SEMA3B: variants seen among roughly 807,000 people sequenced by gnomAD.
The protein encoded by SEMA3B is semaphorin 3B.
A neutral mutation model predicts 77.8 loss-of-function variants in SEMA3B; 71 were observed. The ratio of observed to expected loss-of-function variants is 0.91; its 90% CI spans 0.75 to 1.11. SEMA3B has a LOEUF of 1.11. SEMA3B is among the 50% of genes most tolerant of loss of function. SEMA3B has a pLI of 0.00. For missense variants in SEMA3B, 968 were observed against 1,056.8 expected, an observed-to-expected ratio of 0.92 and a Z score of 1.17; for synonymous variants, 470 against 452.9, an observed-to-expected ratio of 1.04 and a Z score of -0.48.
Position 50,276,498 on chromosome 3 carries a change from CGCCGCCGG to C in SEMA3B, c.2046_2053del (p.Pro683GlnfsTer44). 1 of 1,531,810 alleles carries C rather than the reference CGCCGCCGG, an allele frequency of 6.5e-7. No individual in the cohort carries two copies. Among genetic ancestry groups the C allele is most frequent in the Non-Finnish European group, 8.7e-7 (1 of 1,143,956 alleles). 94.9% of individuals were successfully genotyped at this position (1,531,810 alleles called of 1,614,324 possible). A position where few individuals can be genotyped will look rare whatever the true frequency, so the allele number is the denominator to read the frequency against. ...CGGGCCGAGGAGGCTGCGCCCGCCG[CGCCGCCGG>C]GCCCCAAACTCTGGTACCGGGACTT... On this transcript the variant is annotated frameshift_variant, in exon 17 of 17. Transcript: ENST00000616701. LOFTEE classifies it low-confidence loss of function (END_TRUNC). The surrounding 1 kb of genome is among the most constrained non-coding windows in gnomAD (Gnocchi z 5.8).
chr3:50,273,852 G>T lies in SEMA3B; in HGVS notation c.992+24G>T. ...AGGTGAGGGGCAGGAGGTAGGGAGC[G>T]CCCGGGGCGGGCCGCTGGGCTCCAC... On this transcript the variant is annotated intron_variant, in intron 9 of 16. Coordinates refer to ENST00000616701, the MANE Select transcript of SEMA3B (RefSeq NM_001290060.2). The surrounding 1 kb of genome is among the most constrained non-coding windows in gnomAD (Gnocchi z 6.5). 6.4e-7 allele frequency: 1 copy of T among 1,565,100 alleles called. No homozygotes were observed. Among genetic ancestry groups the T allele is most frequent in the Non-Finnish European group, 8.7e-7 (1 of 1,153,714 alleles).
intron 6 of SEMA3B, 134 bp downstream of exon 6, chr3:50,271,614 C>T (rs943656425): frequency 9.3e-6 from 12 of 1,290,538 alleles, no homozygotes; most frequent in East Asian, 2.6e-5. Context: ...CAGGCACTGG[C>T]GTCACAGAGA....
Position 50,273,658 on chromosome 3 carries a change from A to C in SEMA3B, c.922+12A>C. ...CTTCGATCAGCTCCGTGAGTGCGGG[A>C]GTGGGTATGGGGTTGGGGAGGGGGG... On this transcript the variant is annotated intron_variant, in intron 8 of 16. Transcript: ENST00000616701. This position sits in a 1 kb window ranked among gnomAD's most constrained non-coding sequence, Gnocchi z 6.5. 6.2e-7 allele frequency: 1 copy of C among 1,606,950 alleles called. No homozygotes were observed. Among genetic ancestry groups the C allele is most frequent in the South Asian group, 1.1e-5 (1 of 90,988 alleles).
intron 6 of SEMA3B, among the ~76,000 whole-genome samples, chr3:50,272,234 T>C (rs1186123234): frequency 6.6e-6 from 1 of 152,122 alleles, no homozygotes. Context: ...ATGCTGCCAC[T>C]GCAGGACAGA....
rs782054764 is a variant in SEMA3B, at chr3:50,270,520, G to C, written c.330+25G>C. 1 of 1,613,238 alleles carries C rather than the reference G, an allele frequency of 6.2e-7. No homozygotes were observed. The highest frequency in any genetic ancestry group is 8.5e-7 in the Non-Finnish European group (1 of 1,179,850). ...TGTGAGTGCCAGCTGCCCGGGCCGG[G>C]AGTGGGGAGGGTCAGCCCCTCACCC... On this transcript the variant is annotated intron_variant, in intron 3 of 16. Coordinates refer to ENST00000616701, the MANE Select transcript of SEMA3B (RefSeq NM_001290060.2). The surrounding 1 kb of genome is among the most constrained non-coding windows in gnomAD (Gnocchi z 4.7).
upstream of SEMA3B, among the ~76,000 whole-genome samples, chr3:50,268,210 C>A (rs1405925039): frequency 2.6e-5 from 4 of 152,156 alleles, no homozygotes; most frequent in Admixed American, 2.6e-4. Flanking sequence ...GAGAGAGAGC[C>A]CTCAAGCTCA....
At position 50,276,551 on chromosome 3, in the gene SEMA3B, GGCGGAGGTGGCA is replaced by G; in HGVS notation, c.2099_2110del (p.Gly700_Ser703del). 6.5e-7 allele frequency: 1 copy of G among 1,538,080 alleles called. No homozygotes were observed. Among genetic ancestry groups the G allele is most frequent in the Admixed American group, 2.0e-5 (1 of 50,956 alleles). On this transcript the variant is annotated inframe_deletion, in exon 17 of 17. Coordinates refer to ENST00000616701, the MANE Select transcript of SEMA3B (RefSeq NM_001290060.2). This position sits in a 1 kb window ranked among gnomAD's most constrained non-coding sequence, Gnocchi z 5.8. ...GGACTTTCTGCAGCTGGTGGAGCCG[GGCGGAGGTGGCA>G]GCGCGAACTCCCTGCGCATGTGCCG...
At position 50,275,044 on chromosome 3, in the gene SEMA3B, T is replaced by C; in HGVS notation, c.1482T>C (p.Ser494=). ...CCGCTGTCACCAGCATGCAAATTTC[T>C]TCCAAGAGGGTGAGTGACCAGGATG... is the stretch of plus-strand genomic sequence containing the variant. The part of the protein sequence containing the change: ...DSAAVTSMQI[S]SKRHQLYVAS... Residue 494 remains serine (S), a synonymous_variant, in exon 13 of 17, where the codon TCT becomes TCC. Coordinates refer to ENST00000616701, the MANE Select transcript of SEMA3B (RefSeq NM_001290060.2). This position sits in a 1 kb window ranked among gnomAD's most constrained non-coding sequence, Gnocchi z 7.5. The C allele has an allele frequency of 1.3e-5, 21 of 1,587,546 alleles. No individual in the cohort carries two copies. The highest frequency in any genetic ancestry group is 1.8e-5 in the Non-Finnish European group (21 of 1,163,276).
In SEMA3B at chr3:50,270,630, G is replaced by A. The variant is rs1701022725; in HGVS notation, c.330+135G>A. ...AGGTCGAGGTGGCTGAGGTCTGGGG[G>A]TGGTGAGTCAGGGTGGGGGCTCGTG... On this transcript the variant is annotated intron_variant, in intron 3 of 16. Transcript: ENST00000616701. The surrounding 1 kb of genome is among the most constrained non-coding windows in gnomAD (Gnocchi z 4.7). The A allele has an allele frequency of 6.2e-6, 8 of 1,299,298 alleles. No homozygotes were observed. The highest frequency in any genetic ancestry group is 1.3e-5 in the South Asian group (1 of 75,536). 80.5% of individuals were successfully genotyped at this position (1,299,298 alleles called of 1,614,324 possible).
At chr3:50,263,810 GGGGAGGGA>G (rs1700861182), upstream of SEMA3B, among the ~76,000 whole-genome samples, 1 of 152,094 alleles carries the variant, frequency 6.6e-6, no homozygotes, top group Admixed American at 6.5e-5. Flanking sequence ...TCCCCACCCA[GGGGAGGGA>G]GGGAGGTTAA....
upstream of SEMA3B, among the ~76,000 whole-genome samples, chr3:50,263,724 G>A (rs1553704191): frequency 6.6e-6 from 1 of 151,880 alleles, no homozygotes; most frequent in Non-Finnish European, 1.5e-5. Flanking sequence ...AAGACAAAAG[G>A]TAGGGGCTCT....
the SEMA3B span, chr3:50,262,527 T>C: frequency 6.6e-6 from 1 of 152,356 alleles, no homozygotes; most frequent in Non-Finnish European, 1.5e-5. Context: ...TGGCCTCCAG[T>C]CAGCTGGGGT....
upstream of SEMA3B, among the ~76,000 whole-genome samples, chr3:50,265,943 A>G (rs1553704400): frequency 1.3e-5 from 2 of 152,210 alleles, no homozygotes; most frequent in Non-Finnish European, 2.9e-5. Flanking sequence ...AGGACAGGGC[A>G]CAGCACTCAA....
Position 50,276,065 on chromosome 3 carries a change from T to G in SEMA3B, c.1845+221T>G. The G allele has an allele frequency of 1.5e-6, 1 of 687,176 alleles. No homozygotes were observed. 42.6% of individuals were successfully genotyped at this position (687,176 alleles called of 1,614,324 possible). ...CAAGGAGAAGACCCGCCCTCGACCC[T>G]CCCATTAAGGTCCCTGACCACCCCC... On this transcript the variant is annotated intron_variant, in intron 16 of 16. Transcript: ENST00000616701. This position sits in a 1 kb window ranked among gnomAD's most constrained non-coding sequence, Gnocchi z 5.8.
upstream of SEMA3B, among the ~76,000 whole-genome samples, chr3:50,268,527 T>A (rs587646578): frequency 6.6e-6 from 1 of 152,226 alleles, no homozygotes; most frequent in African/African-American, 2.4e-5. Flanking sequence ...ATGTGCAATA[T>A]GACACACTAT....
chr3:50,269,032 C>G (rs1352158768), upstream of SEMA3B: 1 of 588,438 alleles, frequency 1.7e-6, no homozygotes, highest in Non-Finnish European at 3.0e-6. This position sits in a 1 kb window ranked among gnomAD's most constrained non-coding sequence, Gnocchi z 4.0. Context: ...GGCGGGGCAC[C>G]CTCGGAGGGG....
rs1701165018 is a variant in SEMA3B at position 50,274,577 on chromosome 3, G to A, written c.1352G>A (p.Gly451Asp). 13 of 1,533,816 alleles carry A rather than the reference G, an allele frequency of 8.5e-6. No homozygotes were observed. Among genetic ancestry groups the A allele is most frequent in the Non-Finnish European group, 1.1e-5 (13 of 1,140,856 alleles). The change falls in exon 11 of 17, where the codon GGC becomes GAC. Residue 451 changes from glycine to aspartate, a missense_variant. By Grantham distance (94) the Gly-to-Asp change is moderately conservative. Coordinates refer to ENST00000616701, the MANE Select transcript of SEMA3B (RefSeq NM_001290060.2). The surrounding 1 kb of genome is among the most constrained non-coding windows in gnomAD (Gnocchi z 4.7). ...ADGHYDVLFI[G>D]TDVGTVLKVI... ...GGACACTATGACGTCCTCTTCATTG[G>A]CACAGGTCAGGGTCCCTCCACAGCG... is the stretch of plus-strand genomic sequence containing the variant.
rs1701224551 is a variant in SEMA3B at position 50,275,973 on chromosome 3, C to A, written c.1845+129C>A. On this transcript the variant is annotated intron_variant, in intron 16 of 16. Coordinates refer to ENST00000616701, the MANE Select transcript of SEMA3B (RefSeq NM_001290060.2). This position sits in a 1 kb window ranked among gnomAD's most constrained non-coding sequence, Gnocchi z 7.5. The stretch of plus-strand genomic sequence containing the variant: ...CCGCCCTGTCCAGTTTGGTCCCTCA[C>A]CTGCACTCCACAAGCTGCTGAGGCC... The A allele has an allele frequency of 8.0e-7, 1 of 1,243,142 alleles. No individual in the cohort carries two copies. The highest frequency in any genetic ancestry group is 1.1e-6 in the Non-Finnish European group (1 of 924,520). 77.0% of individuals were successfully genotyped at this position (1,243,142 alleles called of 1,614,324 possible).
chr3:50,269,000 GGT>G (rs1182258636), upstream of SEMA3B: 16 of 573,756 alleles, frequency 2.8e-5, no homozygotes, highest in East Asian at 3.6e-4. Flanking sequence ...CAGTGGCGTG[GGT>G]GTGTCTGTGA....
Sources: allele counts gnomAD v4.1 joint callset (sites outside exome capture counted in the v4.1 genomes callset), GRCh38; gene constraint gnomAD v4.1.1; non-coding constraint Gnocchi (gnomAD v3.1); transcripts MANE v1.5; gene names NCBI Gene and HGNC (gene_info 2026-07-23, HGNC 2026-07-21).